Variants in KMT2C observed in about 807,000 individuals in gnomAD.
The protein encoded by KMT2C is lysine methyltransferase 2C, also known as histone-lysine N-methyltransferase 2C.
A neutral mutation model predicts 507.9 loss-of-function variants in KMT2C; 88 were observed. That is an observed-to-expected ratio of 0.17 (90% CI 0.15 to 0.21). KMT2C has a LOEUF of 0.21. KMT2C is among the 10% of genes least tolerant of loss of function. The pLI is 1.00. For synonymous variants in KMT2C, 2,049 were observed against 2,080.8 expected (o/e 0.98, Z 0.42); for missense variants, 4,954 against 5,957.8 (o/e 0.83, Z 5.55).
At chr7:152,393,639 C>A (rs2097517707) in intron 1 of KMT2C, among the ~76,000 whole-genome samples, 1 of 151,724 alleles carries the variant, frequency 6.6e-6, no homozygotes, top group South Asian at 2.1e-4. Context: ...GTTGGCCGAG[C>A]GCGGTGGCTC....
chr7:152,340,777 A>G (rs910507039), intron 2 of KMT2C, among the ~76,000 whole-genome samples: 2 of 152,190 alleles, frequency 1.3e-5, no homozygotes, highest in African/African-American at 4.8e-5. Context: ...CTGTTATAAT[A>G]TTTAATGTGA....
chr7:152,335,410 A>G (rs964818671), intron 2 of KMT2C, among the ~76,000 whole-genome samples: 3 of 152,206 alleles, frequency 2.0e-5, no homozygotes, highest in Non-Finnish European at 2.9e-5. Flanking sequence ...TGACAAACTT[A>G]AGGAGGAATA....
intron 1 of KMT2C, chr7:152,366,753 C>T: frequency 5.2e-6 from 1 of 191,846 alleles, no homozygotes. Context: ...CCACAGACGG[C>T]CGGGCGGGAT....
intron 3 of KMT2C, among the ~76,000 whole-genome samples, chr7:152,321,299 A>G (rs1356267543): frequency 6.6e-6 from 1 of 151,926 alleles, no homozygotes; most frequent in Non-Finnish European, 1.5e-5. Context: ...AGAATCTTTC[A>G]CTTAAAATGG....
chr7:152,140,669 T>C (rs2090434342), intron 55 of KMT2C, among the ~76,000 whole-genome samples: 1 of 152,208 alleles, frequency 6.6e-6, no homozygotes, highest in South Asian at 2.1e-4. Flanking sequence ...AACTGAATTC[T>C]AGAATGCAGA....
intron 16 of KMT2C, among the ~76,000 whole-genome samples, chr7:152,234,161 G>A (rs1588450515): frequency 1.3e-5 from 2 of 148,640 alleles, no homozygotes; most frequent in East Asian, 2.0e-4. Context: ...GCCGAGGCAG[G>A]TGGATCAGGA....
At position 152,410,970 on chromosome 7, in the gene KMT2C, T is replaced by C. The variant is rs565083879; in HGVS notation, c.161+24656A>G. Reference sequence around the variant, plus strand: ...GTGAGCCAAGATCTCACTCCTGCACTTCAGCCTGGATGACAGAGCGAGACC... The same window carrying C: ...GTGAGCCAAGATCTCACTCCTGCACCTCAGCCTGGATGACAGAGCGAGACC... On this transcript the variant is annotated intron_variant, in intron 1 of 58. Transcript: ENST00000262189. Among the ~76,000 whole-genome samples the C allele has an allele frequency of 3.1e-4, 47 of 152,200 alleles. No homozygotes were observed. In the East Asian group the frequency reaches 9.1e-3, roughly 29 times the overall value.
In KMT2C at chr7:152,194,432, T is replaced by C; in HGVS notation, c.4507+8A>G. ...TTAGAAAGCCTAGATGTAGGGCAAA[T>C]ATTTTACCATCTGTGACCATTTTGT... On this transcript the variant is annotated splice_region_variant and intron_variant, in intron 29 of 58. Transcript: ENST00000262189. The C allele has an allele frequency of 1.2e-6, 2 of 1,612,928 alleles. No homozygotes were observed. Among genetic ancestry groups the C allele is most frequent in the Non-Finnish European group, 1.7e-6 (2 of 1,179,236 alleles).
At chr7:152,255,184 G>C (rs1413369293) in intron 9 of KMT2C, among the ~76,000 whole-genome samples, 2 of 125,868 alleles carry the variant, frequency 1.6e-5, no homozygotes, top group Non-Finnish European at 3.3e-5. Context: ...TGTGTGTTTT[G>C]GAAACAGGGT....
intron 23 of KMT2C, among the ~76,000 whole-genome samples, chr7:152,219,166 C>T (rs936139669): frequency 4.6e-5 from 7 of 152,056 alleles, no homozygotes; most frequent in African/African-American, 1.7e-4. Flanking sequence ...GAATGGGTTT[C>T]ACCATGTTGG....
At chr7:152,316,005 C>T (rs1455030914) in intron 3 of KMT2C, among the ~76,000 whole-genome samples, 1 of 152,102 alleles carries the variant, frequency 6.6e-6, no homozygotes, top group Non-Finnish European at 1.5e-5. Context: ...CATATGGTGA[C>T]AGTTTTATTT....
chr7:152,280,390 T>TA (rs375246225), intron 6 of KMT2C, among the ~76,000 whole-genome samples: 1,340 of 105,084 alleles, frequency 0.013, 12 homozygotes, highest in African/African-American at 0.026. Flanking sequence ...AAAATAAAAA[T>TA]AAAAAAAAAA....
Position 152,310,191 on chromosome 7 carries a change from C to G in KMT2C, c.740-116G>C, listed in dbSNP as rs999492306. The G allele has an allele frequency of 1.6e-5, 11 of 683,312 alleles. No homozygotes were observed. In the African/African-American group the frequency reaches 2.0e-4, roughly 12 times the overall value. The allele number at this position is 683,312 out of a possible 1,614,324, so 42.3% of individuals were successfully genotyped here. The stretch of plus-strand genomic sequence containing the variant: ...TAATATGTAAATATACAATGGCATC[C>G]TGTATTTGTGATAGCAGTAAAGTGG... On this transcript the variant is annotated intron_variant, in intron 5 of 58. Transcript: ENST00000262189.
chr7:152,191,790 G>T (rs2093802016), intron 31 of KMT2C, among the ~76,000 whole-genome samples: 1 of 152,178 alleles, frequency 6.6e-6, no homozygotes, highest in Non-Finnish European at 1.5e-5. Context: ...AAACATTAAA[G>T]TTGCCATTCT....
chr7:152,166,449 G>A (rs1437830742), intron 42 of KMT2C, among the ~76,000 whole-genome samples: 1 of 151,960 alleles, frequency 6.6e-6, no homozygotes, highest in African/African-American at 2.4e-5. Flanking sequence ...ATTTACTTGG[G>A]TAAATATACC....
At chr7:152,283,408 T>C (rs970772876) in intron 6 of KMT2C, among the ~76,000 whole-genome samples, 16 of 152,162 alleles carry the variant, frequency 1.1e-4, no homozygotes, top group African/African-American at 3.6e-4. Context: ...GTTAGTTGGA[T>C]ACACTTAAAT....
chr7:152,194,152 A>G, intron 30 of KMT2C, 24 bp from the exon 31 acceptor site: 1 of 1,565,446 alleles, frequency 6.4e-7, no homozygotes, highest in Non-Finnish European at 8.6e-7. Flanking sequence ...CAATAATAGT[A>G]ACAAGATTAA....
At chr7:152,279,864 G>T (rs1445064905) in intron 6 of KMT2C, among the ~76,000 whole-genome samples, 2 of 152,288 alleles carry the variant, frequency 1.3e-5, no homozygotes, top group Non-Finnish European at 2.9e-5. Flanking sequence ...CCTCAATACA[G>T]AATGTGTGGT....
intron 4 of KMT2C, among the ~76,000 whole-genome samples, chr7:152,314,867 G>C (rs2096708900): frequency 6.6e-6 from 1 of 152,022 alleles, no homozygotes; most frequent in Non-Finnish European, 1.5e-5. Context: ...TATGTTCTTT[G>C]AAGTTTTCTT....
Sources: gnomAD v4.1 joint callset for allele counts (sites outside exome capture counted in the v4.1 genomes callset) on GRCh38, gnomAD v4.1.1 for gene constraint, MANE v1.5 for transcripts, NCBI Gene and HGNC (gene_info 2026-07-23, HGNC 2026-07-21) for gene names.